Variants in CAND2 observed in about 807,000 individuals in gnomAD.
CAND2 encodes cullin-associated NEDD8-dissociated protein 2.
In CAND2, 62 loss-of-function variants were observed where a neutral mutation model predicts 98.9. That is an observed-to-expected ratio of 0.63 (90% CI 0.51 to 0.77). CAND2 has a LOEUF of 0.77. Among genes scored for constraint, CAND2 ranks in the 30% least tolerant of loss-of-function variants. CAND2 has a pLI of 0.00. For missense variants in CAND2, 1,501 were observed against 1,655.2 expected, an observed-to-expected ratio of 0.91 and a Z score of 1.62; for synonymous variants, 770 against 731.9, an observed-to-expected ratio of 1.05 and a Z score of -0.84.
intron 7 of CAND2, among the ~76,000 whole-genome samples, chr3:12,814,482 C>T (rs573774486): frequency 1.3e-4 from 20 of 152,264 alleles, no homozygotes; most frequent in East Asian, 3.9e-4. Context: ...AAAGACTGCA[C>T]GAGCCCTTGA....
intron 11 of CAND2, among the ~76,000 whole-genome samples, chr3:12,821,951 G>T (rs747404421): frequency 1.3e-5 from 2 of 152,074 alleles, no homozygotes; most frequent in Non-Finnish European, 2.9e-5. Flanking sequence ...ATGAATTTTT[G>T]AGTACATAAA....
chr3:12,815,009 G>A lies in CAND2; in HGVS notation c.1007-132G>A. 8.5e-6 allele frequency: 7 copies of A among 825,536 alleles called. No homozygotes were observed. Among genetic ancestry groups the A allele is most frequent in the Non-Finnish European group, 9.5e-6 (5 of 527,818 alleles). The allele number at this position is 825,536 out of a possible 1,614,324, so 51.1% of individuals were successfully genotyped here. A position where few individuals can be genotyped will look rare whatever the true frequency, so the allele number is the denominator to read the frequency against. On this transcript the variant is annotated intron_variant, in intron 7 of 14. Transcript: ENST00000456430. This position sits in a 1 kb window ranked among gnomAD's most constrained non-coding sequence, Gnocchi z 5.7. ...AAAGGTAGGGAATGTTCCCCATAGG[G>A]TATCTATAAATGCTGATCATCAAAA...
At chr3:12,802,931 A>G (rs1346519511) in intron 1 of CAND2, among the ~76,000 whole-genome samples, 3 of 152,202 alleles carry the variant, frequency 2.0e-5, no homozygotes, top group African/African-American at 2.4e-5. Context: ...AGGTACAGTA[A>G]AAATAAGGTA....
At chr3:12,806,934 C>T (rs1440444916) in intron 2 of CAND2, among the ~76,000 whole-genome samples, 5 of 152,114 alleles carry the variant, frequency 3.3e-5, no homozygotes, top group Non-Finnish European at 7.3e-5. Context: ...GCTAGAAATG[C>T]ACACTATCAG....
In CAND2 at chr3:12,834,676, GGTTT is replaced by G. The variant is rs2062085181; in HGVS notation, c.*699_*702del. 6.6e-6 allele frequency: 1 copy of G among 152,310 alleles called. No individual in the cohort carries two copies. Among genetic ancestry groups the G allele is most frequent in the African/African-American group, 2.4e-5 (1 of 41,424 alleles). The allele number at this position is 152,310 out of a possible 1,614,324, so 9.4% of individuals were successfully genotyped here. On this transcript the variant is annotated 3_prime_UTR_variant, in exon 15 of 15. Coordinates refer to ENST00000456430, the MANE Select transcript of CAND2 (RefSeq NM_001162499.2). ...TGCCACCACCCAGGCATAACCAGTT[GGTTT>G]GTTTCCTTCTGAGGAAGGTTTCAAA...
Position 12,817,402 on chromosome 3 carries a change from A to T in CAND2, c.2470A>T (p.Ser824Cys), listed in dbSNP as rs200386966. 524 of 1,613,818 alleles carry T rather than the reference A, an allele frequency of 3.2e-4. 4 individuals carry two copies. The African/African-American group carries it at 6.0e-3, about 19-fold the overall frequency. Residue 824 changes from serine to cysteine, a missense_variant, in exon 10 of 15, where the codon AGT becomes TGT. By Grantham distance (112) the Ser-to-Cys change is moderately radical. Around this residue, in one of 3 missense-constraint regions of CAND2, gnomAD observed 1,427 missense variants for 1,545.3 expected, o/e 0.92. Coordinates refer to ENST00000456430, the MANE Select transcript of CAND2 (RefSeq NM_001162499.2). Reference protein sequence around the residue: ...ACPQEAASTASRLVCDARSPH... With the variant: ...ACPQEAASTACRLVCDARSPH... ...TCCCCAAGAGGCGGCAAGCACAGCC[A>T]GTCGCCTGGTCTGCGATGCCAGGTC...
intron 1 of CAND2, among the ~76,000 whole-genome samples, chr3:12,800,083 G>A (rs992286612): frequency 1.3e-5 from 2 of 152,210 alleles, no homozygotes; most frequent in African/African-American, 2.4e-5. Flanking sequence ...CTGAGCAGAC[G>A]TAGGGGTGCA....
chr3:12,817,574 C>T lies in CAND2; in HGVS notation c.2642C>T (p.Ala881Val). The T allele has an allele frequency of 6.2e-7, 1 of 1,613,924 alleles. No homozygotes were observed. Among genetic ancestry groups the T allele is most frequent in the Non-Finnish European group, 8.5e-7 (1 of 1,180,008 alleles). The change falls in exon 10 of 15, where the codon GCC becomes GTC. Residue 881 changes from alanine (A) to valine (V), a missense_variant. Transcript: ENST00000456430. The stretch of plus-strand genomic sequence containing the variant: ...CCCAGTGAGGATGTGAGGGCTGCAG[C>T]CTCGTATGCACTGGGCCGTGTGGGT... ...GSPSEDVRAA[A>V]SYALGRVGAG...
At chr3:12,805,257 G>T (rs1201027313) in intron 2 of CAND2, among the ~76,000 whole-genome samples, 1 of 151,496 alleles carries the variant, frequency 6.6e-6, no homozygotes, top group Non-Finnish European at 1.5e-5. Context: ...GGAGGCCATT[G>T]CTCTTAGTGG....
intron 11 of CAND2, among the ~76,000 whole-genome samples, chr3:12,820,588 G>A (rs987524030): frequency 6.6e-6 from 1 of 152,172 alleles, no homozygotes. Flanking sequence ...CCCAAAGTGG[G>A]GCAGGGAAGA....
intron 11 of CAND2, among the ~76,000 whole-genome samples, chr3:12,822,069 A>G (rs965780270): frequency 2.6e-5 from 4 of 152,178 alleles, no homozygotes; most frequent in African/African-American, 9.6e-5. Flanking sequence ...GATATTTGCC[A>G]AATGGTGACT....
chr3:12,810,428 G>T (rs1575767659), intron 5 of CAND2, 104 bp downstream of exon 5: 5 of 1,132,702 alleles, frequency 4.4e-6, no homozygotes, highest in South Asian at 3.9e-5. Context: ...TGCAGCCAGG[G>T]CCTAAGGGTG....
rs373749682 is a variant in CAND2 at position 12,815,915 on chromosome 3, G to T, written c.1348G>T (p.Val450Phe). 6.2e-7 allele frequency: 1 copy of T among 1,613,668 alleles called. No individual in the cohort carries two copies. Among genetic ancestry groups the T allele is most frequent in the African/African-American group, 1.3e-5 (1 of 74,916 alleles). The change falls in exon 9 of 15, where the codon GTC becomes TTC. Residue 450 changes from valine to phenylalanine, a missense_variant. Physicochemically the swap from Val to Phe is conservative, Grantham distance 50 (BLOSUM62 -1). Around this residue, in one of 3 missense-constraint regions of CAND2, gnomAD observed 1,427 missense variants for 1,545.3 expected, o/e 0.92. Coordinates refer to ENST00000456430, the MANE Select transcript of CAND2 (RefSeq NM_001162499.2). This position sits in a 1 kb window ranked among gnomAD's most constrained non-coding sequence, Gnocchi z 5.7. ...GCAGCGGCAGCTTAAAGATCGGAGC[G>T]TCAGAGCCCGCCAGGGATGCTTCAG... ...ALQRQLKDRSVRARQGCFSLL... is the reference protein window; with the variant it reads ...ALQRQLKDRSFRARQGCFSLL...
chr3:12,804,082 GC>G (rs1405676776), intron 2 of CAND2, among the ~76,000 whole-genome samples: 1 of 152,116 alleles, frequency 6.6e-6, no homozygotes, highest in East Asian at 1.9e-4. Context: ...GTTGTCCACT[GC>G]CTGCCACCTC....
Position 12,833,953 on chromosome 3 carries a change from C to T in CAND2, c.3682C>T (p.Pro1228Ser), listed in dbSNP as rs2062077040. ...ESIQKDSASA[P>S]STDSMELS ...CATCCAGAAGGATTCCGCTTCAGCC[C>T]CCAGCACAGACTCAATGGAGCTCAG... Residue 1228 changes from proline to serine, a missense_variant, in exon 15 of 15, where the codon CCC (proline) becomes TCC (serine). Coordinates refer to ENST00000456430, the MANE Select transcript of CAND2 (RefSeq NM_001162499.2). 6.2e-7 allele frequency: 1 copy of T among 1,614,194 alleles called. No homozygotes were observed. The highest frequency in any genetic ancestry group is 8.5e-7 in the Non-Finnish European group (1 of 1,180,038).
intron 1 of CAND2, 87 bp downstream of exon 1, chr3:12,796,875 A>T: frequency 1.0e-6 from 1 of 994,026 alleles, no homozygotes; most frequent in South Asian, 1.4e-5. Flanking sequence ...CCCATCCCCC[A>T]TGACCATGCA....
Position 12,831,556 on chromosome 3 carries a change from C to A in CAND2, c.3467C>A (p.Ala1156Asp). Residue 1156 changes from alanine (A) to aspartate (D), a missense_variant, in exon 14 of 15, where the codon GCC becomes GAC. By Grantham distance (126) the Ala-to-Asp change is moderately radical (BLOSUM62 -2). This residue lies in a region of CAND2 where 1,427 missense variants were observed against 1,545.3 expected (regional missense o/e 0.92). Coordinates refer to ENST00000456430, the MANE Select transcript of CAND2 (RefSeq NM_001162499.2). ...RVDRLIEPLRATCTAKVKAGS... is the reference protein window; with the variant it reads ...RVDRLIEPLRDTCTAKVKAGS... Reference sequence around the variant, plus strand: ...GACCGACTCATTGAGCCACTAAGGGCCACCTGCACTGCCAAGGTAAGTCCC... The same window carrying A: ...GACCGACTCATTGAGCCACTAAGGGACACCTGCACTGCCAAGGTAAGTCCC... 6.2e-7 allele frequency: 1 copy of A among 1,612,306 alleles called. No homozygotes were observed. Among genetic ancestry groups the A allele is most frequent in the Non-Finnish European group, 8.5e-7 (1 of 1,178,912 alleles).
chr3:12,825,505 A>T lies in CAND2; in HGVS notation c.3076A>T (p.Asn1026Tyr), dbSNP rs1454330478. The T allele has an allele frequency of 6.4e-7, 1 of 1,573,520 alleles. No individual in the cohort carries two copies. The highest frequency in any genetic ancestry group is 2.3e-5 in the East Asian group (1 of 43,330). Reference sequence around the variant, plus strand: ...GGAGAGCCTGCAGGACCCAGACCTGAACGTGCGCCGTGCGACTCTGGCTTT... The same window carrying T: ...GGAGAGCCTGCAGGACCCAGACCTGTACGTGCGCCGTGCGACTCTGGCTTT... ...FMESLQDPDL[N>Y]VRRATLAFFN... Residue 1026 changes from asparagine (N) to tyrosine (Y), a missense_variant, in exon 12 of 15, where the codon AAC (asparagine) becomes TAC (tyrosine). Coordinates refer to ENST00000456430, the MANE Select transcript of CAND2 (RefSeq NM_001162499.2).
chr3:12,813,762 CT>C (rs2061873883), intron 7 of CAND2, among the ~76,000 whole-genome samples: 1 of 152,234 alleles, frequency 6.6e-6, no homozygotes, highest in African/African-American at 2.4e-5. Context: ...ACCGTGTACC[CT>C]TTTATGAATG....
Sources: gnomAD v4.1 joint callset for allele counts (sites outside exome capture counted in the v4.1 genomes callset) on GRCh38, gnomAD v4.1.1 for gene constraint, gnomAD v4.1.1 regional missense constraint, Gnocchi (gnomAD v3.1) non-coding constraint, MANE v1.5 for transcripts, NCBI Gene and HGNC (gene_info 2026-07-23, HGNC 2026-07-21) for gene names.